Variants in C17orf99 observed in about 807,000 individuals in gnomAD.
The protein encoded by C17orf99 is chromosome 17 open reading frame 99.
C17orf99 carries 18 observed loss-of-function variants against 22.6 expected under a neutral mutation model. The observed-to-expected ratio is 0.80, with a 90% CI of 0.55 to 1.18. The LOEUF (loss-of-function observed/expected upper bound fraction) is 1.18. Ranked by LOEUF, C17orf99 falls within the 50% of genes most tolerant of loss-of-function variation. The pLI, the probability that C17orf99 is intolerant of heterozygous loss-of-function variation, is 0.00. For synonymous variants in C17orf99, 147 were observed against 136.6 expected (o/e 1.08, Z -0.53); for missense variants, 328 against 342.7 (o/e 0.96, Z 0.34).
intron 2 of C17orf99, among the ~76,000 whole-genome samples, chr17:78,151,244 C>G (rs1190008102): frequency 4.6e-5 from 7 of 151,266 alleles, no homozygotes; most frequent in African/African-American, 1.7e-4. Context: ...GGCCAACATG[C>G]GGAAACCCTG....
At chr17:78,147,032 G>A (rs2075442829) in intron 2 of C17orf99, 121 bp downstream of exon 2, 6 of 844,514 alleles carry the variant, frequency 7.1e-6, no homozygotes, top group Non-Finnish European at 1.2e-5. Context: ...GTGTGCTGGA[G>A]GATGGCTGGA....
At chr17:78,157,453 G>C in intron 2 of C17orf99, 1 of 1,308,518 alleles carries the variant, frequency 7.6e-7, no homozygotes, top group Admixed American at 1.8e-5. Flanking sequence ...TTCGAGACAG[G>C]AGATGCAGGG....
At chr17:78,148,267 G>GCCT (rs984918751) in intron 2 of C17orf99, among the ~76,000 whole-genome samples, 27 of 150,570 alleles carry the variant, frequency 1.8e-4, no homozygotes, top group Middle Eastern at 7.1e-3. Flanking sequence ...TGCAACCTCT[G>GCCT]CCTCCTGGGG....
rs1057032119 is a variant in C17orf99, at chr17:78,146,704, G to T, written c.38-175G>T. 3.4e-5 allele frequency: 23 copies of T among 681,110 alleles called. No homozygotes were observed. Among genetic ancestry groups the T allele is most frequent in the Admixed American group, 2.0e-4 (8 of 39,520 alleles). 42.2% of individuals were successfully genotyped at this position (681,110 alleles called of 1,614,324 possible). A position where few individuals can be genotyped will look rare whatever the true frequency, so the allele number is the denominator to read the frequency against. On this transcript the variant is annotated intron_variant, in intron 1 of 4. Transcript: ENST00000340363. The surrounding 1 kb of genome is among the most constrained non-coding windows in gnomAD (Gnocchi z 5.2). Reference sequence around the variant, plus strand: ...ATGGGCGGATGAGAGGCGATGTTGTGGGGGGAGGGGCGCAAAAGAGCTTTT... The same window carrying T: ...ATGGGCGGATGAGAGGCGATGTTGTTGGGGGAGGGGCGCAAAAGAGCTTTT...
At chr17:78,153,199 G>A (rs745670466) in intron 2 of C17orf99, among the ~76,000 whole-genome samples, 6 of 152,020 alleles carry the variant, frequency 3.9e-5, no homozygotes, top group Non-Finnish European at 5.9e-5. Context: ...TAAAGTGAGT[G>A]TGCGGCCGGG....
chr17:78,161,833 C>T (rs1286815073), intron 3 of C17orf99, among the ~76,000 whole-genome samples: 1 of 144,482 alleles, frequency 6.9e-6, no homozygotes, highest in Non-Finnish European at 1.5e-5. Context: ...AACAGAGCGT[C>T]TCCAAAAAAA....
At chr17:78,152,047 G>A (rs926754136) in intron 2 of C17orf99, among the ~76,000 whole-genome samples, 3 of 152,120 alleles carry the variant, frequency 2.0e-5, no homozygotes, top group African/African-American at 7.2e-5. Flanking sequence ...CAGTGACCCC[G>A]TGCCCAGCCT....
Position 78,146,406 on chromosome 17 carries a change from G to T in C17orf99, c.-2G>T. The T allele has an allele frequency of 6.5e-7, 1 of 1,550,340 alleles. No individual in the cohort carries two copies. On this transcript the variant is annotated 5_prime_UTR_variant, in exon 1 of 5. Coordinates refer to ENST00000340363, the MANE Select transcript of C17orf99 (RefSeq NM_001163075.2). The surrounding 1 kb of genome is among the most constrained non-coding windows in gnomAD (Gnocchi z 5.2). ...GAGCAGAGGCCCTACACCCACCGAG[G>T]CATGGGGCTCCCTGGGCTGTTCTGC...
chr17:78,149,004 G>T (rs1179614717), intron 2 of C17orf99, among the ~76,000 whole-genome samples: 2 of 152,106 alleles, frequency 1.3e-5, no homozygotes, highest in East Asian at 3.9e-4. Flanking sequence ...GCTGGCAGAT[G>T]GCATGGGATG....
intron 3 of C17orf99, among the ~76,000 whole-genome samples, chr17:78,161,529 G>A (rs2075576587): frequency 6.6e-6 from 1 of 152,128 alleles, no homozygotes; most frequent in Non-Finnish European, 1.5e-5. Flanking sequence ...GAAATGACTG[G>A]GCCCCAGTTG....
intron 2 of C17orf99, chr17:78,158,685 T>C: frequency 6.0e-6 from 1 of 166,664 alleles, no homozygotes. Context: ...CTAGCTCCCT[T>C]GGCCAGGAGC....
intron 2 of C17orf99, among the ~76,000 whole-genome samples, chr17:78,153,439 C>CGT (rs940593748): frequency 6.6e-6 from 1 of 151,782 alleles, no homozygotes; most frequent in African/African-American, 2.4e-5. Context: ...GAACCAAGAT[C>CGT]GTGTCACTGC....
chr17:78,149,918 C>T (rs1389377116), intron 2 of C17orf99, among the ~76,000 whole-genome samples: 2 of 152,002 alleles, frequency 1.3e-5, no homozygotes, highest in East Asian at 1.9e-4. Flanking sequence ...ACCATGTTAG[C>T]CAGGATGGTG....
intron 2 of C17orf99, among the ~76,000 whole-genome samples, chr17:78,149,578 G>A (rs2075462979): frequency 6.6e-6 from 1 of 152,110 alleles, no homozygotes; most frequent in South Asian, 2.1e-4. Context: ...CTGTCACCAA[G>A]GCTAAAGTGC....
In C17orf99 at chr17:78,146,894, C is replaced by T. The variant is rs746887598; in HGVS notation, c.53C>T (p.Ser18Phe). The change falls in exon 2 of 5, where the codon TCC becomes TTC. Residue 18 changes from serine (S) to phenylalanine (F), a missense_variant. Ser to Phe is a radical substitution (Grantham distance 155). Coordinates refer to ENST00000340363, the MANE Select transcript of C17orf99 (RefSeq NM_001163075.2). This position sits in a 1 kb window ranked among gnomAD's most constrained non-coding sequence, Gnocchi z 5.2. ...TCTCTTACAGCTGCCAGCAGCTTCT[C>T]CAAGGCACGGGAGGAAGGTAAGTGG... ...CLAVLAASSF[S>F]KAREEEITPV... 3 of 1,551,556 alleles carry T rather than the reference C, an allele frequency of 1.9e-6. No homozygotes were observed. The South Asian group carries it at 3.6e-5, about 18-fold the overall frequency.
intron 2 of C17orf99, among the ~76,000 whole-genome samples, chr17:78,156,332 G>GAAAAAAAAAAAAAAAA (rs769438256): frequency 1.6e-5 from 1 of 63,390 alleles, no homozygotes; most frequent in Non-Finnish European, 3.1e-5. Context: ...TCCTTCTCCA[G>GAAAAAAAAAAAAAAAA]AAAAAAAAAA....
chr17:78,151,683 C>T (rs1041593885), intron 2 of C17orf99, among the ~76,000 whole-genome samples: 1 of 152,130 alleles, frequency 6.6e-6, no homozygotes. Flanking sequence ...CACCCTAATC[C>T]AGCATGAATT....
rs1372247591 is a variant in C17orf99, at chr17:78,161,050, C to T, written c.166C>T (p.Pro56Ser). ...AACCTGCTGTGCACCCCAGCCACCA[C>T]CGCCCATCACCTATTCCCTCTGTGG... The part of the protein sequence containing the change: ...LITCCAPQPP[P>S]PITYSLCGTK... Residue 56 changes from proline to serine, a missense_variant, in exon 3 of 5, where the codon CCG (proline) becomes TCG (serine). Physicochemically the swap from Pro to Ser is moderately conservative, Grantham distance 74. Transcript: ENST00000340363. The T allele has an allele frequency of 6.4e-7, 1 of 1,551,616 alleles. No individual in the cohort carries two copies. Among genetic ancestry groups the T allele is most frequent in the Non-Finnish European group, 8.7e-7 (1 of 1,146,986 alleles).
At chr17:78,159,910 T>C (rs911805080) in intron 2 of C17orf99, among the ~76,000 whole-genome samples, 4 of 152,226 alleles carry the variant, frequency 2.6e-5, no homozygotes, top group African/African-American at 9.6e-5. Context: ...CATTTCTTTC[T>C]AAGGCTGAGT....
Sources: gnomAD v4.1 joint callset for allele counts (sites outside exome capture counted in the v4.1 genomes callset) on GRCh38, gnomAD v4.1.1 for gene constraint, Gnocchi (gnomAD v3.1) non-coding constraint, MANE v1.5 for transcripts, NCBI Gene and HGNC (gene_info 2026-07-23, HGNC 2026-07-21) for gene names.